HMOX2: variants seen among roughly 807,000 people sequenced by gnomAD.
HMOX2 encodes the protein heme oxygenase (decycling) 2.
In HMOX2, 30 loss-of-function variants were observed where a neutral mutation model predicts 33.7. The observed-to-expected ratio is 0.89, with a 90% CI of 0.67 to 1.21. The LOEUF is 1.21. Ranked by LOEUF, HMOX2 falls within the 50% of genes most tolerant of loss-of-function variation. The probability of loss-of-function intolerance (pLI) is 0.00; values close to 1 mark genes in which losing one functional copy is unlikely to be tolerated. For missense variants in HMOX2, 403 were observed against 399.1 expected (o/e 1.01, Z -0.08); for synonymous variants, 155 against 155.0 (o/e 1.00, Z 0.00).
At chr16:4,477,154 G>T (rs1418391418) in intron 1 of HMOX2, among the ~76,000 whole-genome samples, 10 of 152,114 alleles carry the variant, frequency 6.6e-5, no homozygotes, top group South Asian at 2.1e-4. Context: ...TGCAAAAGCT[G>T]CCGGGACCTC....
chr16:4,498,436 G>T (rs867891070), intron 1 of HMOX2, among the ~76,000 whole-genome samples: 13 of 151,038 alleles, frequency 8.6e-5, no homozygotes, highest in Middle Eastern at 3.4e-3. Flanking sequence ...GTGCAACGGT[G>T]TGATCATAGT....
chr16:4,480,369 G>T (rs1377907135), intron 1 of HMOX2, among the ~76,000 whole-genome samples: 1 of 109,258 alleles, frequency 9.2e-6, no homozygotes, highest in Non-Finnish European at 1.8e-5. Context: ...TTTTTCCTTA[G>T]AGTCTTGCTC....
intron 1 of HMOX2, among the ~76,000 whole-genome samples, chr16:4,490,478 G>A (rs1308286851): frequency 6.6e-6 from 1 of 152,162 alleles, no homozygotes; most frequent in Non-Finnish European, 1.5e-5. Context: ...ACTGATAAAC[G>A]AAAATCAAAT....
intron 4 of HMOX2, among the ~76,000 whole-genome samples, chr16:4,508,701 G>A (rs1460493768): frequency 6.6e-6 from 1 of 152,166 alleles, no homozygotes; most frequent in African/African-American, 2.4e-5. Flanking sequence ...CACTCAGGAT[G>A]AGTATGCCCT....
intron 1 of HMOX2, chr16:4,496,058 T>G (rs780788397): frequency 6.6e-6 from 1 of 152,168 alleles, no homozygotes; most frequent in Non-Finnish European, 1.5e-5. Context: ...CAGCATCAAC[T>G]TCGGAATCTT....
rs555821667 is a variant in HMOX2 at position 4,494,171 on chromosome 16, C to T, written c.-41-11313C>T. Among the ~76,000 whole-genome samples the T allele has an allele frequency of 7.2e-5, 11 of 152,048 alleles. No homozygotes were observed. In the East Asian group the frequency reaches 1.2e-3, roughly 16 times the overall value. On this transcript the variant is annotated intron_variant, in intron 1 of 5. Coordinates refer to ENST00000570646, the MANE Select transcript of HMOX2 (RefSeq NM_002134.4). Reference sequence around the variant, plus strand: ...ATCTACTAAAAATACAAAAAATTAGCGGGGCGTGGTGGTGGGCGCCTGTAG... The same window carrying T: ...ATCTACTAAAAATACAAAAAATTAGTGGGGCGTGGTGGTGGGCGCCTGTAG...
At chr16:4,500,275 A>G (rs942983853) in intron 1 of HMOX2, among the ~76,000 whole-genome samples, 2 of 152,148 alleles carry the variant, frequency 1.3e-5, no homozygotes, top group Non-Finnish European at 2.9e-5. Context: ...TGATGGTAAG[A>G]ATCCTGATGC....
At chr16:4,509,351 A>T (rs760534218) in intron 4 of HMOX2, 61 bp from the exon 5 acceptor site, 80 of 208,900 alleles carry the variant, frequency 3.8e-4, no homozygotes, top group Non-Finnish European at 5.4e-4. Context: ...AAAGACATTT[A>T]AAAAAAAAAA....
At chr16:4,474,819 T>C (rs573157108), upstream of HMOX2, 2 of 152,282 alleles carry the variant, frequency 1.3e-5, no homozygotes, top group African/African-American at 2.4e-5. Flanking sequence ...AATTACCTCT[T>C]TATCTTGCAT....
At chr16:4,492,295 C>T (rs71388586) in intron 1 of HMOX2, among the ~76,000 whole-genome samples, 1 of 151,580 alleles carries the variant, frequency 6.6e-6, no homozygotes, top group Non-Finnish European at 1.5e-5. Context: ...TATCTCACCA[C>T]TGCACTCCAG....
chr16:4,504,682 C>CTTT (rs56922429), intron 1 of HMOX2, among the ~76,000 whole-genome samples: 2 of 65,838 alleles, frequency 3.0e-5, no homozygotes, highest in Non-Finnish European at 5.5e-5. Flanking sequence ...TTGATACGGT[C>CTTT]TTTTTTTTTT....
At chr16:4,494,088 G>A (rs986401958) in intron 1 of HMOX2, among the ~76,000 whole-genome samples, 7 of 151,996 alleles carry the variant, frequency 4.6e-5, no homozygotes, top group African/African-American at 7.2e-5. Flanking sequence ...AGGCCGAGGC[G>A]GGTGGATCAC....
chr16:4,510,217 G>T lies in HMOX2; in HGVS notation c.*461G>T. 5.7e-6 allele frequency: 1 copy of T among 174,410 alleles called. No individual in the cohort carries two copies. Among genetic ancestry groups the T allele is most frequent in the South Asian group, 1.6e-4 (1 of 6,390 alleles). 10.8% of individuals were successfully genotyped at this position (174,410 alleles called of 1,614,324 possible). On this transcript the variant is annotated 3_prime_UTR_variant, in exon 6 of 6. Transcript: ENST00000570646. ...GTGGGTGTGGGTGGAAGCCTCAGAG[G>T]CCTTGGGAGCTCATCCCTCTCACCC... is the stretch of plus-strand genomic sequence containing the variant.
intron 1 of HMOX2, among the ~76,000 whole-genome samples, chr16:4,505,231 A>C (rs1040452669): frequency 1.3e-5 from 2 of 152,226 alleles, no homozygotes; most frequent in African/African-American, 4.8e-5. Context: ...ATATAATCGC[A>C]GTACAATTAT....
At chr16:4,484,343 A>G (rs151267057) in intron 1 of HMOX2, among the ~76,000 whole-genome samples, 101 of 152,258 alleles carry the variant, frequency 6.6e-4, no homozygotes, top group Non-Finnish European at 1.2e-3. Flanking sequence ...GGATCAAGAA[A>G]CAGTAGTATG....
intron 1 of HMOX2, among the ~76,000 whole-genome samples, chr16:4,492,238 T>C (rs1300523049): frequency 6.6e-6 from 1 of 151,718 alleles, no homozygotes; most frequent in African/African-American, 2.4e-5. Context: ...GAAGGATGAA[T>C]TGGGAGGATC....
rs2058779371 is a variant in HMOX2, at chr16:4,509,443, C to T, written c.728C>T (p.Thr243Ile). 1 of 1,614,122 alleles carries T rather than the reference C, an allele frequency of 6.2e-7. No homozygotes were observed. The highest frequency in any genetic ancestry group is 8.5e-7 in the Non-Finnish European group (1 of 1,180,022). ...IFNELDQAGS[T>I]LARETLEDGF... ...AATGAACTGGACCAGGCCGGCTCCA[C>T]ACTGGCCAGAGAGACCTTGGAGGAT... Residue 243 changes from threonine to isoleucine, a missense_variant, in exon 5 of 6, where the codon ACA becomes ATA. By Grantham distance (89) the Thr-to-Ile change is moderately conservative. Coordinates refer to ENST00000570646, the MANE Select transcript of HMOX2 (RefSeq NM_002134.4).
At chr16:4,507,037 G>C in intron 3 of HMOX2, 25 bp downstream of exon 3, 1 of 1,472,662 alleles carries the variant, frequency 6.8e-7, no homozygotes, top group Non-Finnish European at 9.5e-7. Context: ...TTGGGTTCCA[G>C]ACTGTCATAT....
intron 1 of HMOX2, among the ~76,000 whole-genome samples, chr16:4,481,610 A>G (rs906434625): frequency 1.3e-5 from 2 of 152,222 alleles, no homozygotes; most frequent in Non-Finnish European, 2.9e-5. Context: ...TAATATTTAT[A>G]GAATGGTACA....
Sources: gnomAD v4.1 joint callset for allele counts (sites outside exome capture counted in the v4.1 genomes callset) on GRCh38, gnomAD v4.1.1 for gene constraint, MANE v1.5 for transcripts, NCBI Gene and HGNC (gene_info 2026-07-23, HGNC 2026-07-21) for gene names.